SLC44A5: variants seen among roughly 807,000 people sequenced by gnomAD.
SLC44A5 encodes solute carrier family 44 member 5.
SLC44A5 carries 57 observed loss-of-function variants against 101.8 expected under a neutral mutation model. The ratio of observed to expected loss-of-function variants is 0.56; its 90% CI spans 0.45 to 0.70. The LOEUF is 0.70. Among genes scored for constraint, SLC44A5 ranks in the 30% least tolerant of loss-of-function variants. The pLI, the probability that SLC44A5 is intolerant of heterozygous loss-of-function variation, is 0.00. For synonymous variants in SLC44A5, 281 were observed against 290.9 expected, an observed-to-expected ratio of 0.97 and a Z score of 0.35; for missense variants, 737 against 853.1, an observed-to-expected ratio of 0.86 and a Z score of 1.70.
At chr1:75,362,240 AT>A (rs1341493009) in intron 3 of SLC44A5, among the ~76,000 whole-genome samples, 2 of 151,458 alleles carry the variant, frequency 1.3e-5, no homozygotes, top group Admixed American at 6.6e-5. Context: ...TTTTAAAAAA[AT>A]GTTCGTTTCA....
At chr1:75,314,419 T>C (rs1655539735) in intron 4 of SLC44A5, among the ~76,000 whole-genome samples, 1 of 152,202 alleles carries the variant, frequency 6.6e-6, no homozygotes, top group Non-Finnish European at 1.5e-5. Flanking sequence ...TGTTTTATTA[T>C]TAAAAGCTCC....
At position 75,457,726 on chromosome 1, in the gene SLC44A5, C is replaced by T. The variant is rs370784636; in HGVS notation, c.14-61105G>A. 3.3e-5 allele frequency among the ~76,000 whole-genome samples: 5 copies of T among 151,982 alleles called. No individual in the cohort carries two copies. In the South Asian group the frequency reaches 8.3e-4, roughly 25 times the overall value. On this transcript the variant is annotated intron_variant, in intron 2 of 23. Transcript: ENST00000370859. ...TACAAAAACTAGCCGGGCATGGAGG[C>T]GCATGCCTGTAATCCAGCTACTAGG... is the stretch of plus-strand genomic sequence containing the variant.
chr1:75,719,030 A>T, the SLC44A5 span, among the ~76,000 whole-genome samples: 1 of 152,154 alleles, frequency 6.6e-6, no homozygotes, highest in African/African-American at 2.4e-5. Context: ...CAAGGCTTTG[A>T]CTGGAATGGT....
At chr1:75,629,613 G>A in the SLC44A5 span, among the ~76,000 whole-genome samples, 3,120 of 152,198 alleles carry the variant, frequency 0.02, 109 homozygotes, top group African/African-American at 0.072. Context: ...ATAGCACAGC[G>A]AAGAGAAGGC....
At chr1:75,586,124 C>G (rs961612459) in intron 1 of SLC44A5, among the ~76,000 whole-genome samples, 3 of 152,134 alleles carry the variant, frequency 2.0e-5, no homozygotes, top group Non-Finnish European at 2.9e-5. Flanking sequence ...AGCAGATTGT[C>G]CTGCCTAATA....
chr1:75,573,369 T>C (rs1295939374), intron 1 of SLC44A5, among the ~76,000 whole-genome samples: 2 of 151,778 alleles, frequency 1.3e-5, no homozygotes, highest in Non-Finnish European at 2.9e-5. Context: ...AGTATAGATA[T>C]AACTGCCAGA....
In SLC44A5 at chr1:75,218,178, A is replaced by G. The variant is rs374922946; in HGVS notation, c.1530-218T>C. Among the ~76,000 whole-genome samples the G allele has an allele frequency of 1.3e-4, 20 of 152,248 alleles. No homozygotes were observed. The East Asian group carries it at 2.5e-3, about 19-fold the overall frequency. ...TCAGCATAAATGACACCAATAGTCT[A>G]TCATCATAAAATAGGATGTTTTTAC... On this transcript the variant is annotated intron_variant, in intron 17 of 23. Transcript: ENST00000370859.
chr1:75,635,799 AAG>A, the SLC44A5 span, among the ~76,000 whole-genome samples: 1 of 136,326 alleles, frequency 7.3e-6, no homozygotes, highest in African/African-American at 2.9e-5. Flanking sequence ...CTAAAACTTA[AAG>A]TATAATAATA....
At chr1:75,428,293 C>G (rs1664425628) in intron 2 of SLC44A5, among the ~76,000 whole-genome samples, 1 of 152,158 alleles carries the variant, frequency 6.6e-6, no homozygotes, top group Non-Finnish European at 1.5e-5. Flanking sequence ...TGACTAGCAT[C>G]CTCAGAAATA....
At chr1:75,404,934 G>C (rs546338467) in intron 2 of SLC44A5, among the ~76,000 whole-genome samples, 1 of 152,328 alleles carries the variant, frequency 6.6e-6, no homozygotes, top group East Asian at 1.9e-4. Flanking sequence ...CCATTAGTGT[G>C]CTATATTCAG....
chr1:75,479,131 C>A (rs1164047343), intron 2 of SLC44A5, among the ~76,000 whole-genome samples: 2 of 152,298 alleles, frequency 1.3e-5, no homozygotes, highest in East Asian at 3.9e-4. Context: ...GGAAACTGAA[C>A]AACCTGCTCC....
chr1:75,584,846 C>A (rs1042441743), intron 1 of SLC44A5, among the ~76,000 whole-genome samples: 2 of 152,190 alleles, frequency 1.3e-5, no homozygotes, highest in Non-Finnish European at 2.9e-5. Flanking sequence ...ATCCACCTAC[C>A]TCAGCCTCCC....
intron 2 of SLC44A5, among the ~76,000 whole-genome samples, chr1:75,471,728 T>C (rs1316145448): frequency 1.3e-5 from 2 of 152,136 alleles, no homozygotes; most frequent in African/African-American, 4.8e-5. Context: ...AGCTTTTTCT[T>C]AGCTCAGTCT....
intron 2 of SLC44A5, among the ~76,000 whole-genome samples, chr1:75,505,880 T>C (rs1344958550): frequency 6.6e-6 from 1 of 152,124 alleles, no homozygotes; most frequent in Non-Finnish European, 1.5e-5. Flanking sequence ...TTTTTTGTTT[T>C]ATTGAAATTA....
intron 3 of SLC44A5, among the ~76,000 whole-genome samples, chr1:75,346,126 T>G (rs1343517): frequency 6.6e-6 from 1 of 151,858 alleles, no homozygotes. Context: ...GGACATGGCA[T>G]GATTAATGGA....
chr1:75,398,731 G>T (rs1231925746), intron 2 of SLC44A5, among the ~76,000 whole-genome samples: 1 of 151,978 alleles, frequency 6.6e-6, no homozygotes, highest in African/African-American at 2.4e-5. Flanking sequence ...TCATATTTTG[G>T]CATGATCAGT....
At chr1:75,344,531 C>A (rs1658109939) in intron 3 of SLC44A5, among the ~76,000 whole-genome samples, 1 of 152,082 alleles carries the variant, frequency 6.6e-6, no homozygotes, top group Non-Finnish European at 1.5e-5. Flanking sequence ...CCAATGTGAT[C>A]ACAAGGGTAC....
intron 1 of SLC44A5, among the ~76,000 whole-genome samples, chr1:75,586,130 T>C (rs928029240): frequency 3.4e-4 from 51 of 152,162 alleles, no homozygotes; most frequent in African/African-American, 1.2e-3. Flanking sequence ...TTGTCCTGCC[T>C]AATATGGGTG....
intron 2 of SLC44A5, among the ~76,000 whole-genome samples, chr1:75,456,128 A>T (rs979282801): frequency 3.3e-5 from 5 of 152,174 alleles, no homozygotes; most frequent in Non-Finnish European, 7.4e-5. Flanking sequence ...TCAACAATGG[A>T]TTGGACAAGG....
Sources: allele counts gnomAD v4.1 joint callset (sites outside exome capture counted in the v4.1 genomes callset), GRCh38; gene constraint gnomAD v4.1.1; transcripts MANE v1.5; gene names NCBI Gene and HGNC (gene_info 2026-07-23, HGNC 2026-07-21).